PITPNC1: variants seen among roughly 807,000 people sequenced by gnomAD.
PITPNC1 encodes cytoplasmic phosphatidylinositol transfer protein 1.
In PITPNC1, 18 loss-of-function variants were observed where a neutral mutation model predicts 44.7. The observed-to-expected ratio is 0.40, with a 90% CI of 0.28 to 0.60. PITPNC1 has a LOEUF of 0.60. Ranked by LOEUF, PITPNC1 falls within the 20% of genes least tolerant of loss-of-function variation. The pLI is 0.39. For missense variants in PITPNC1, 290 were observed against 418.4 expected (o/e 0.69, Z 2.68); for synonymous variants, 141 against 149.6 (o/e 0.94, Z 0.42).
chr17:67,622,539 C>A (rs1289315329), intron 5 of PITPNC1, among the ~76,000 whole-genome samples: 5 of 140,152 alleles, frequency 3.6e-5, no homozygotes, highest in African/African-American at 8.0e-5. Flanking sequence ...TTTTTTACAG[C>A]CATTAGTGCT....
At chr17:67,437,276 G>A (rs1384371915) in intron 1 of PITPNC1, among the ~76,000 whole-genome samples, 1 of 152,024 alleles carries the variant, frequency 6.6e-6, no homozygotes, top group African/African-American at 2.4e-5. Context: ...AAATAATCCC[G>A]AAATTAGAGT....
intron 1 of PITPNC1, among the ~76,000 whole-genome samples, chr17:67,532,165 G>A (rs2040470466): frequency 6.6e-6 from 1 of 152,202 alleles, no homozygotes; most frequent in African/African-American, 2.4e-5. Flanking sequence ...AGTACTGTAG[G>A]TGGTCCTCGG....
chr17:67,493,968 G>A (rs1302467540), intron 1 of PITPNC1, among the ~76,000 whole-genome samples: 1 of 152,042 alleles, frequency 6.6e-6, no homozygotes, highest in African/African-American at 2.4e-5. Context: ...TGCAGTCAAC[G>A]AGTATGTATT....
intron 2 of PITPNC1, among the ~76,000 whole-genome samples, chr17:67,542,090 C>T (rs2040617236): frequency 6.6e-6 from 1 of 152,198 alleles, no homozygotes; most frequent in South Asian, 2.1e-4. Context: ...TTTCTACACT[C>T]AAACTATCTA....
intron 5 of PITPNC1, among the ~76,000 whole-genome samples, chr17:67,609,652 A>G (rs966000143): frequency 1.1e-4 from 16 of 152,020 alleles, no homozygotes; most frequent in African/African-American, 3.9e-4. Context: ...AGTCACCCCA[A>G]GAGAGAGCAG....
chr17:67,385,942 C>G (rs374533312), intron 1 of PITPNC1, among the ~76,000 whole-genome samples: 9 of 152,236 alleles, frequency 5.9e-5, no homozygotes, highest in African/African-American at 1.9e-4. Context: ...GAGATAGATA[C>G]AGGGATCAGG....
At chr17:67,535,978 A>G (rs1444948843) in intron 2 of PITPNC1, among the ~76,000 whole-genome samples, 1 of 152,236 alleles carries the variant, frequency 6.6e-6, no homozygotes, top group Non-Finnish European at 1.5e-5. Flanking sequence ...TCAAGGTCTG[A>G]GAGAGTTTAC....
rs2042604714 is a variant in PITPNC1, at chr17:67,676,464, T to C, written c.682+922T>C. 1.3e-5 allele frequency among the ~76,000 whole-genome samples: 2 copies of C among 152,064 alleles called. No homozygotes were observed. The highest frequency in any genetic ancestry group is 4.8e-5 in the African/African-American group (2 of 41,414). ...AGCAGTCTTGTTTTGTCCACATGAA[T>C]TTTCTGCACTCCCAGAATCAGTCAT... is the stretch of plus-strand genomic sequence containing the variant. On this transcript the variant is annotated intron_variant, in intron 8 of 8. Coordinates refer to ENST00000581322, the MANE Select transcript of PITPNC1 (RefSeq NM_012417.4). This position sits in a 1 kb window ranked among gnomAD's most constrained non-coding sequence, Gnocchi z 4.0.
chr17:67,553,400 T>C (rs994965090), intron 3 of PITPNC1: 3 of 382,344 alleles, frequency 7.8e-6, no homozygotes, highest in Non-Finnish European at 1.4e-5. Context: ...ACTGTTCTTA[T>C]CTGCCCAACC....
chr17:67,653,147 T>C (rs2042227555), intron 6 of PITPNC1, among the ~76,000 whole-genome samples: 1 of 151,452 alleles, frequency 6.6e-6, no homozygotes, highest in Non-Finnish European at 1.5e-5. Flanking sequence ...CCAGGAGTGG[T>C]GGTGGGCGCC....
intron 1 of PITPNC1, among the ~76,000 whole-genome samples, chr17:67,473,023 G>C (rs550040656): frequency 1.1e-4 from 17 of 148,790 alleles, no homozygotes; most frequent in African/African-American, 3.9e-4. Flanking sequence ...CTACAGGTGC[G>C]CACCACCATG....
chr17:67,382,141 A>G (rs7208273), intron 1 of PITPNC1, among the ~76,000 whole-genome samples: 1,745 of 152,316 alleles, frequency 0.011, 32 homozygotes, highest in African/African-American at 0.039. Context: ...TTGAAAACAG[A>G]TAAAGTCAGC....
intron 5 of PITPNC1, among the ~76,000 whole-genome samples, chr17:67,619,326 A>T (rs1464155911): frequency 6.6e-6 from 1 of 152,200 alleles, no homozygotes; most frequent in Non-Finnish European, 1.5e-5. Context: ...AAGTAGTTTA[A>T]TTTAATAGAG....
intron 1 of PITPNC1, among the ~76,000 whole-genome samples, chr17:67,438,555 A>G (rs1054032855): frequency 1.3e-5 from 2 of 152,130 alleles, no homozygotes; most frequent in African/African-American, 4.8e-5. Flanking sequence ...GCCTCAAGTA[A>G]TCTGCCTGCC....
At chr17:67,464,239 A>G (rs1265426247) in intron 1 of PITPNC1, among the ~76,000 whole-genome samples, 1 of 152,104 alleles carries the variant, frequency 6.6e-6, no homozygotes, top group Non-Finnish European at 1.5e-5. Context: ...CTAAGTAGAG[A>G]AATAAGTATA....
chr17:67,603,675 A>G (rs747957199), intron 5 of PITPNC1, among the ~76,000 whole-genome samples: 15 of 152,164 alleles, frequency 9.9e-5, no homozygotes, highest in Admixed American at 5.9e-4. Context: ...CACACCTGTA[A>G]TCCCAACACT....
intron 1 of PITPNC1, among the ~76,000 whole-genome samples, chr17:67,462,038 C>T (rs1816503900): frequency 6.6e-6 from 1 of 151,914 alleles, no homozygotes; most frequent in African/African-American, 2.4e-5. Context: ...TGGGTAATGT[C>T]CCATTTGCTT....
At chr17:67,675,672 T>C (rs2042588763) in intron 8 of PITPNC1, 130 bp downstream of exon 8, 3 of 690,724 alleles carry the variant, frequency 4.3e-6, no homozygotes, top group South Asian at 3.4e-5. Flanking sequence ...GTGTTGGAAA[T>C]AGCACTGTCT....
chr17:67,694,874 A>C lies in PITPNC1; in HGVS notation c.*1986A>C, dbSNP rs944954517. ...GAGCAAAATGCTACTTTCAGAAGAC[A>C]CTGAAATAGTATATGTATTTGCTTA... On this transcript the variant is annotated 3_prime_UTR_variant, in exon 9 of 9. Transcript: ENST00000581322. The C allele has an allele frequency of 1.3e-5, 2 of 152,232 alleles. No individual in the cohort carries two copies. The highest frequency in any genetic ancestry group is 2.9e-5 in the Non-Finnish European group (2 of 68,032). The allele number at this position is 152,232 out of a possible 1,614,324, so 9.4% of individuals were successfully genotyped here. A position where few individuals can be genotyped will look rare whatever the true frequency, so the allele number is the denominator to read the frequency against.
Sources: allele counts gnomAD v4.1 joint callset (sites outside exome capture counted in the v4.1 genomes callset), GRCh38; gene constraint gnomAD v4.1.1; non-coding constraint Gnocchi (gnomAD v3.1); transcripts MANE v1.5; gene names NCBI Gene and HGNC (gene_info 2026-07-23, HGNC 2026-07-21).